The following C12orf56 variants were observed in gnomAD, a reference collection of about 807,000 sequenced individuals.
C12orf56 encodes the protein uncharacterized protein C12orf56.
In C12orf56, 71 loss-of-function variants were observed where a neutral mutation model predicts 69.9. That is an observed-to-expected ratio of 1.02 (90% CI 0.84 to 1.24). The LOEUF (loss-of-function observed/expected upper bound fraction) is 1.24, where lower values mean the gene tolerates loss of function less well. Ranked by LOEUF, C12orf56 falls within the 50% of genes most tolerant of loss-of-function variation. The pLI, the probability that C12orf56 is intolerant of heterozygous loss-of-function variation, is 0.00. For missense variants in C12orf56, 732 were observed against 738.5 expected (o/e 0.99, Z 0.10); for synonymous variants, 276 against 274.1 (o/e 1.01, Z -0.07).
rs1031877003 is a variant in C12orf56, at chr12:64,286,127, T to C, written c.1114-67A>G. 1.8e-5 allele frequency: 17 copies of C among 952,428 alleles called. No individual in the cohort carries two copies. The Admixed American group carries it at 4.5e-4, about 25-fold the overall frequency. 59.0% of individuals were successfully genotyped at this position (952,428 alleles called of 1,614,324 possible). On this transcript the variant is annotated intron_variant, in intron 6 of 12. Coordinates refer to ENST00000543942, the MANE Select transcript of C12orf56 (RefSeq NM_001170633.2). ...CTGTTGTTAAAATTCTCTACTCTCA[T>C]GTACTAAAAATATGAAGAAATAATT...
Position 64,377,371 on chromosome 12 carries a change from T to C in C12orf56, c.252+12943A>G, listed in dbSNP as rs191791540. Among the ~76,000 whole-genome samples, 8 of 152,166 alleles carry C rather than the reference T, an allele frequency of 5.3e-5. No homozygotes were observed. The East Asian group carries it at 1.2e-3, about 22-fold the overall frequency. ...CCCCAGCTAATTTTTTTATTTTTAG[T>C]AGAGGCGGGGTTTCATCATATTGGC... On this transcript the variant is annotated intron_variant, in intron 1 of 12. Coordinates refer to ENST00000543942, the MANE Select transcript of C12orf56 (RefSeq NM_001170633.2).
intron 6 of C12orf56, among the ~76,000 whole-genome samples, chr12:64,299,739 A>T (rs2038419480): frequency 1.3e-5 from 2 of 152,296 alleles, no homozygotes; most frequent in Non-Finnish European, 2.9e-5. Context: ...GATGGTAGAA[A>T]CTGTATCATA....
At position 64,329,329 on chromosome 12, in the gene C12orf56, A is replaced by T. The variant is rs547417007; in HGVS notation, c.488+1631T>A. Among the ~76,000 whole-genome samples the T allele has an allele frequency of 2.0e-5, 3 of 152,062 alleles. No homozygotes were observed. The East Asian group carries it at 5.8e-4, about 29-fold the overall frequency. On this transcript the variant is annotated intron_variant, in intron 3 of 12. Coordinates refer to ENST00000543942, the MANE Select transcript of C12orf56 (RefSeq NM_001170633.2). ...TCTCCTATTTCAATTAAATGTTAGT[A>T]TTGTGGATTCTGCCTATGAAATATC...
intron 1 of C12orf56, among the ~76,000 whole-genome samples, chr12:64,380,134 A>C (rs1462870557): frequency 1.2e-4 from 5 of 41,994 alleles, no homozygotes; most frequent in Admixed American, 5.6e-4. Flanking sequence ...AAAAAAAAAA[A>C]CAAAACAAAC....
chr12:64,298,164 T>A, intron 6 of C12orf56, among the ~76,000 whole-genome samples: 1 of 151,484 alleles, frequency 6.6e-6, no homozygotes, highest in Non-Finnish European at 1.5e-5. Context: ...TCATGTTTGT[T>A]GGCTGCATAA....
At position 64,286,077 on chromosome 12, in the gene C12orf56, GA is replaced by G; in HGVS notation, c.1114-18del. On this transcript the variant is annotated intron_variant, in intron 6 of 12. Transcript: ENST00000543942. ...GTCACTGGTCTGTGAAAGCAAGTTG[GA>G]AAAAAAGACAGTAATTAAGGTATCT... 2 of 1,475,172 alleles carry G rather than the reference GA, an allele frequency of 1.4e-6. No homozygotes were observed. The highest frequency in any genetic ancestry group is 1.2e-5 in the South Asian group (1 of 82,794). The allele number at this position is 1,475,172 out of a possible 1,614,324, so 91.4% of individuals were successfully genotyped here. A position where few individuals can be genotyped will look rare whatever the true frequency, so the allele number is the denominator to read the frequency against.
At chr12:64,327,287 G>A (rs937769068) in intron 3 of C12orf56, among the ~76,000 whole-genome samples, 1 of 152,198 alleles carries the variant, frequency 6.6e-6, no homozygotes, top group East Asian at 1.9e-4. Flanking sequence ...GGACAGCACA[G>A]AGAAGGGAGA....
intron 1 of C12orf56, among the ~76,000 whole-genome samples, chr12:64,382,658 A>G (rs2039734764): frequency 6.6e-6 from 1 of 150,750 alleles, no homozygotes; most frequent in African/African-American, 2.4e-5. Flanking sequence ...GTGGATCACA[A>G]GGTCAGGAGA....
At chr12:64,388,168 C>G (rs2039819231) in intron 1 of C12orf56, among the ~76,000 whole-genome samples, 1 of 152,126 alleles carries the variant, frequency 6.6e-6, no homozygotes. Flanking sequence ...GAACTCCTGA[C>G]CTCAGGTGAT....
intron 1 of C12orf56, among the ~76,000 whole-genome samples, chr12:64,377,222 G>T: frequency 7.3e-6 from 1 of 137,152 alleles, no homozygotes. Flanking sequence ...GAGGAGTCTC[G>T]CTATGTTGCC....
intron 10 of C12orf56, 142 bp from the exon 11 acceptor site, chr12:64,275,117 A>C (rs1180819996): frequency 1.2e-6 from 1 of 830,492 alleles, no homozygotes; most frequent in Non-Finnish European, 1.8e-6. Flanking sequence ...ATGAGCACTT[A>C]AGAGCAAAGT....
intron 2 of C12orf56, among the ~76,000 whole-genome samples, chr12:64,346,936 C>A (rs923001106): frequency 2.6e-5 from 4 of 151,864 alleles, no homozygotes; most frequent in African/African-American, 9.7e-5. Context: ...ATATCTATAC[C>A]TATATCTATA....
intron 2 of C12orf56, among the ~76,000 whole-genome samples, chr12:64,347,284 C>CTTTTT (rs35011865): frequency 4.1e-5 from 5 of 121,800 alleles, no homozygotes; most frequent in Non-Finnish European, 8.3e-5. Flanking sequence ...AGCCTAGTAA[C>CTTTTT]TTTTTTTTTT....
chr12:64,357,876 G>T (rs1262585044), intron 1 of C12orf56, among the ~76,000 whole-genome samples: 2 of 151,542 alleles, frequency 1.3e-5, no homozygotes, highest in East Asian at 3.9e-4. Flanking sequence ...CTCCAGCCTG[G>T]GTGACAGAGG....
intron 1 of C12orf56, among the ~76,000 whole-genome samples, chr12:64,386,962 C>T (rs2039800067): frequency 6.6e-6 from 1 of 150,994 alleles, no homozygotes; most frequent in South Asian, 2.1e-4. Flanking sequence ...GCCTGTAGTC[C>T]CAGCTACTTA....
At chr12:64,366,225 TTATATATAATATACAGTTTATATA>T in intron 1 of C12orf56, among the ~76,000 whole-genome samples, 1 of 62,136 alleles carries the variant, frequency 1.6e-5, no homozygotes, top group Non-Finnish European at 3.2e-5. Context: ...AGTTTATATA[TTATATATAATATACAGTTTATATA>T]TTATATATAA....
rs187791245 is a variant in C12orf56 at position 64,338,550 on chromosome 12, T to C, written c.416-7518A>G. ...AGGTCATCCCTCACTCTGAGGACTT[T>C]GAGTCTTGCTTGATTCATCAAATTG... On this transcript the variant is annotated intron_variant, in intron 2 of 12. Coordinates refer to ENST00000543942, the MANE Select transcript of C12orf56 (RefSeq NM_001170633.2). 2.8e-6 allele frequency: 4 copies of C among 1,453,794 alleles called. No individual in the cohort carries two copies. In the East Asian group the frequency reaches 9.1e-5, roughly 33 times the overall value. 90.1% of individuals were successfully genotyped at this position (1,453,794 alleles called of 1,614,324 possible). A position where few individuals can be genotyped will look rare whatever the true frequency, so the allele number is the denominator to read the frequency against.
intron 4 of C12orf56, among the ~76,000 whole-genome samples, chr12:64,314,644 T>C (rs1220823950): frequency 6.9e-6 from 1 of 144,260 alleles, no homozygotes; most frequent in Non-Finnish European, 1.5e-5. Context: ...GCAGACAAGC[T>C]TTTTTTTTTT....
At chr12:64,314,040 T>G (rs1413538295) in intron 4 of C12orf56, among the ~76,000 whole-genome samples, 4 of 106,134 alleles carry the variant, frequency 3.8e-5, no homozygotes, top group Admixed American at 1.0e-4. Context: ...CAAAACTCTG[T>G]CTCAAAAAAA....
Sources: allele counts gnomAD v4.1 joint callset (sites outside exome capture counted in the v4.1 genomes callset), GRCh38; gene constraint gnomAD v4.1.1; transcripts MANE v1.5; gene names NCBI Gene and HGNC (gene_info 2026-07-23, HGNC 2026-07-21).